ARL15: variants seen among roughly 807,000 people sequenced by gnomAD.
ARL15 encodes ARF like GTPase 15, also known as ADP-ribosylation factor-like protein 15.
A neutral mutation model predicts 25.2 loss-of-function variants in ARL15; 19 were observed. The observed-to-expected ratio is 0.75, with a 90% CI of 0.53 to 1.10. The LOEUF is 1.10. Among genes scored for constraint, ARL15 ranks in the 50% least tolerant of loss-of-function variants. ARL15 has a pLI of 0.00. For synonymous variants in ARL15, 94 were observed against 86.8 expected, an observed-to-expected ratio of 1.08 and a Z score of -0.46; for missense variants, 220 against 246.0, an observed-to-expected ratio of 0.89 and a Z score of 0.71.
chr5:53,997,368 T>C (rs6884936), intron 4 of ARL15, among the ~76,000 whole-genome samples: 40,320 of 151,940 alleles, frequency 0.27, 5,573 homozygotes, highest in East Asian at 0.46. Context: ...CAGTAGACAG[T>C]CTCTCTGCTG....
At chr5:53,955,447 A>C (rs1389886278) in intron 4 of ARL15, among the ~76,000 whole-genome samples, 1 of 152,180 alleles carries the variant, frequency 6.6e-6, no homozygotes, top group Non-Finnish European at 1.5e-5. Flanking sequence ...TTAAGAAAGA[A>C]TTTTTCGATA....
At chr5:54,184,248 A>T (rs1755157006) in intron 1 of ARL15, among the ~76,000 whole-genome samples, 1 of 23,144 alleles carries the variant, frequency 4.3e-5, no homozygotes, top group South Asian at 1.6e-3. Context: ...TTAAAGTATA[A>T]TAAAAAAAAA....
intron 1 of ARL15, among the ~76,000 whole-genome samples, chr5:54,307,028 G>A (rs887498255): frequency 7.2e-5 from 11 of 152,178 alleles, no homozygotes; most frequent in African/African-American, 2.7e-4. Flanking sequence ...CTACCTATGA[G>A]AAGAAAGAGT....
At chr5:54,242,445 T>C (rs1256679661) in intron 1 of ARL15, among the ~76,000 whole-genome samples, 2 of 152,292 alleles carry the variant, frequency 1.3e-5, no homozygotes, top group African/African-American at 2.4e-5. Context: ...AGCATGGATG[T>C]AGGCCTGGCC....
intron 1 of ARL15, among the ~76,000 whole-genome samples, chr5:54,188,696 CAAAG>C (rs1437167081): frequency 6.6e-6 from 1 of 152,060 alleles, no homozygotes; most frequent in Non-Finnish European, 1.5e-5. Context: ...AAATCTGAAA[CAAAG>C]AATGTCAGTC....
At chr5:54,111,142 G>A (rs979760112) in intron 4 of ARL15, among the ~76,000 whole-genome samples, 1 of 151,864 alleles carries the variant, frequency 6.6e-6, no homozygotes, top group Admixed American at 6.6e-5. Flanking sequence ...TAATTATGGG[G>A]AAAAATGCTT....
At chr5:53,946,203 T>C (rs1233128675) in intron 4 of ARL15, among the ~76,000 whole-genome samples, 1 of 152,164 alleles carries the variant, frequency 6.6e-6, no homozygotes, top group Non-Finnish European at 1.5e-5. Flanking sequence ...CCTATAATTC[T>C]AGCACTTTGG....
rs140433824 is a variant in ARL15, at chr5:54,145,092, T to C, written c.253+9488A>G. Among the ~76,000 whole-genome samples, 21 of 152,302 alleles carry C rather than the reference T, an allele frequency of 1.4e-4. No individual in the cohort carries two copies. In the East Asian group the frequency reaches 4.1e-3, roughly 29 times the overall value. ...GTTTCTTTTCTTACCATTTTTTTCA[T>C]AAAATAGAATTTTGGCTATGGAAGA... On this transcript the variant is annotated intron_variant, in intron 3 of 4. Coordinates refer to ENST00000504924, the MANE Select transcript of ARL15 (RefSeq NM_019087.3).
chr5:54,277,307 A>G (rs1757951675), intron 1 of ARL15, among the ~76,000 whole-genome samples: 1 of 152,208 alleles, frequency 6.6e-6, no homozygotes, highest in Non-Finnish European at 1.5e-5. Context: ...GAAATTGAAT[A>G]TAAGTAGGTA....
intron 4 of ARL15, among the ~76,000 whole-genome samples, chr5:53,979,176 G>T (rs921728066): frequency 6.6e-6 from 1 of 152,028 alleles, no homozygotes; most frequent in East Asian, 1.9e-4. Flanking sequence ...ATTATTATAC[G>T]TTACAATACC....
At chr5:53,910,581 AC>A (rs1745415225) in intron 4 of ARL15, among the ~76,000 whole-genome samples, 2 of 145,986 alleles carry the variant, frequency 1.4e-5, no homozygotes, top group African/African-American at 2.6e-5. Context: ...TATGTGACAA[AC>A]CTGCACGTTG....
intron 1 of ARL15, among the ~76,000 whole-genome samples, chr5:54,197,547 G>A (rs868615462): frequency 6.6e-6 from 1 of 152,058 alleles, no homozygotes; most frequent in Non-Finnish European, 1.5e-5. Context: ...ACATTTTGGG[G>A]GGAAATGCAA....
chr5:54,068,238 C>T (rs10067187), intron 4 of ARL15, among the ~76,000 whole-genome samples: 41,555 of 152,038 alleles, frequency 0.27, 7,345 homozygotes, highest in African/African-American at 0.51. Flanking sequence ...AATGAGAAGA[C>T]TGTGAATTAA....
At chr5:54,160,341 T>C (rs1754367359) in intron 2 of ARL15, among the ~76,000 whole-genome samples, 1 of 152,266 alleles carries the variant, frequency 6.6e-6, no homozygotes, top group Non-Finnish European at 1.5e-5. Context: ...CAAATTTTCA[T>C]GAACATTTTC....
chr5:54,166,845 C>T (rs1158216213), intron 2 of ARL15, among the ~76,000 whole-genome samples: 1 of 152,118 alleles, frequency 6.6e-6, no homozygotes, highest in Admixed American at 6.6e-5. Context: ...TGATTTCTGG[C>T]CTCTTCCCAT....
chr5:54,296,812 T>C (rs993369923), intron 1 of ARL15, among the ~76,000 whole-genome samples: 2 of 152,204 alleles, frequency 1.3e-5, no homozygotes, highest in African/African-American at 4.8e-5. Flanking sequence ...GGAAGGACCC[T>C]CAATTCTGTT....
intron 1 of ARL15, among the ~76,000 whole-genome samples, chr5:54,239,971 T>C (rs1050151885): frequency 3.3e-5 from 5 of 152,184 alleles, no homozygotes; most frequent in Admixed American, 6.5e-5. Flanking sequence ...CTCAGGCCTG[T>C]AATCCCAGCA....
At chr5:54,153,891 C>T (rs535170442) in intron 3 of ARL15, among the ~76,000 whole-genome samples, 2 of 152,272 alleles carry the variant, frequency 1.3e-5, no homozygotes. Flanking sequence ...AGATAACTCT[C>T]TCCTAAGTCA....
At chr5:54,049,018 A>G (rs1266197636) in intron 4 of ARL15, among the ~76,000 whole-genome samples, 2 of 152,064 alleles carry the variant, frequency 1.3e-5, no homozygotes, top group East Asian at 3.9e-4. Flanking sequence ...TAATTGGAAA[A>G]AAACTACTGA....
Sources: allele counts gnomAD v4.1 joint callset (sites outside exome capture counted in the v4.1 genomes callset), GRCh38; gene constraint gnomAD v4.1.1; transcripts MANE v1.5; gene names NCBI Gene and HGNC (gene_info 2026-07-23, HGNC 2026-07-21).